The following SNTB2 variants were observed in gnomAD, a reference collection of about 807,000 sequenced individuals.
SNTB2 encodes the protein beta-2-syntrophin.
SNTB2 carries 34 observed loss-of-function variants against 46.2 expected under a neutral mutation model. The ratio of observed to expected loss-of-function variants is 0.74; its 90% CI spans 0.56 to 0.98. The LOEUF (loss-of-function observed/expected upper bound fraction) is 0.98, where lower values mean the gene tolerates loss of function less well. SNTB2 is among the 50% of genes least tolerant of loss of function. The pLI, the probability that SNTB2 is intolerant of heterozygous loss-of-function variation, is 0.00. For missense variants in SNTB2, 603 were observed against 731.4 expected, an observed-to-expected ratio of 0.82 and a Z score of 2.02; for synonymous variants, 290 against 312.6, an observed-to-expected ratio of 0.93 and a Z score of 0.76.
chr16:69,211,112 T>TA (rs1003846666), intron 1 of SNTB2, among the ~76,000 whole-genome samples: 6 of 151,996 alleles, frequency 3.9e-5, no homozygotes, highest in South Asian at 2.1e-4. Flanking sequence ...TTCTGTTAAT[T>TA]AAAAAAATTA....
chr16:69,217,245 G>A (rs1022063400), intron 1 of SNTB2, among the ~76,000 whole-genome samples: 10 of 152,102 alleles, frequency 6.6e-5, no homozygotes, highest in Non-Finnish European at 1.2e-4. Context: ...AGGCCGAGGT[G>A]GGCAGATTAC....
At chr16:69,248,098 G>A (rs189743192) in intron 2 of SNTB2, among the ~76,000 whole-genome samples, 442 of 152,322 alleles carry the variant, frequency 2.9e-3, no homozygotes, top group Non-Finnish European at 5.2e-3. Context: ...ACTGTAGCCT[G>A]GGTGACAGAA....
chr16:69,190,697 C>G (rs1277658183), intron 1 of SNTB2, among the ~76,000 whole-genome samples: 1 of 152,106 alleles, frequency 6.6e-6, no homozygotes, highest in Non-Finnish European at 1.5e-5. Flanking sequence ...CACAGAAGTG[C>G]AAGACATTAA....
At chr16:69,204,079 G>C (rs531198462) in intron 1 of SNTB2, among the ~76,000 whole-genome samples, 46 of 152,180 alleles carry the variant, frequency 3.0e-4, no homozygotes, top group Non-Finnish European at 5.7e-4. Flanking sequence ...TTTTAGTGGA[G>C]CCGGAGTTTC....
intron 1 of SNTB2, chr16:69,240,909 G>A (rs1474653724): frequency 6.6e-6 from 1 of 152,342 alleles, no homozygotes; most frequent in African/African-American, 2.4e-5. Context: ...TGTCCAGGCT[G>A]GAGTGCAATA....
At chr16:69,217,818 A>G (rs929044861) in intron 1 of SNTB2, among the ~76,000 whole-genome samples, 2 of 152,212 alleles carry the variant, frequency 1.3e-5, no homozygotes, top group African/African-American at 4.8e-5. Context: ...AAATATCTTT[A>G]TAAATAAGCA....
intron 4 of SNTB2, among the ~76,000 whole-genome samples, chr16:69,276,521 C>G (rs1964986819): frequency 6.6e-6 from 1 of 152,192 alleles, no homozygotes; most frequent in African/African-American, 2.4e-5. Context: ...ATTGCTTTCA[C>G]CAACACTTTG....
chr16:69,196,140 G>A (rs567990567), intron 1 of SNTB2, among the ~76,000 whole-genome samples: 1 of 152,198 alleles, frequency 6.6e-6, no homozygotes, highest in East Asian at 1.9e-4. Flanking sequence ...TTGGGAGGCT[G>A]AGGTGGGAGG....
At chr16:69,188,687 C>T (rs1391543991) in intron 1 of SNTB2, among the ~76,000 whole-genome samples, 1 of 152,142 alleles carries the variant, frequency 6.6e-6, no homozygotes, top group Non-Finnish European at 1.5e-5. Flanking sequence ...CTTTCTTTCA[C>T]TGGTGATTAT....
At chr16:69,190,737 G>A (rs546680142) in intron 1 of SNTB2, among the ~76,000 whole-genome samples, 17 of 152,308 alleles carry the variant, frequency 1.1e-4, no homozygotes, top group African/African-American at 3.8e-4. Flanking sequence ...GGGTAGAGTA[G>A]AAGCAAGGAC....
chr16:69,190,330 A>G (rs749643881), intron 1 of SNTB2, among the ~76,000 whole-genome samples: 29 of 152,312 alleles, frequency 1.9e-4, no homozygotes, highest in Middle Eastern at 3.4e-3. Context: ...AGGGAAAGCT[A>G]TAGTCTTTGG....
intron 1 of SNTB2, among the ~76,000 whole-genome samples, chr16:69,191,557 CAAAAA>C (rs1204153764): frequency 1.4e-3 from 86 of 60,296 alleles, no homozygotes; most frequent in African/African-American, 5.3e-3. Flanking sequence ...GATCCTGTCT[CAAAAA>C]AAAAAAAAAA....
chr16:69,237,526 G>C (rs1385061250), intron 1 of SNTB2, among the ~76,000 whole-genome samples: 24 of 151,970 alleles, frequency 1.6e-4, no homozygotes, highest in Admixed American at 1.6e-3. Context: ...TCAGGTCAAG[G>C]GAGTGCTTTT....
intron 2 of SNTB2, among the ~76,000 whole-genome samples, chr16:69,249,847 C>T (rs1039279083): frequency 1.3e-5 from 2 of 151,994 alleles, no homozygotes; most frequent in Non-Finnish European, 2.9e-5. Flanking sequence ...ACCTGTAATC[C>T]CAGCACTTTG....
intron 1 of SNTB2, among the ~76,000 whole-genome samples, chr16:69,223,698 G>C (rs1298021025): frequency 6.6e-6 from 1 of 151,460 alleles, no homozygotes; most frequent in African/African-American, 2.4e-5. Flanking sequence ...GCCCAATCTC[G>C]GCTCACTGCA....
At chr16:69,290,965 C>A (rs1965154342) in intron 5 of SNTB2, among the ~76,000 whole-genome samples, 1 of 152,192 alleles carries the variant, frequency 6.6e-6, no homozygotes. Context: ...TTTGTTAATA[C>A]ATATTTACTG....
intron 1 of SNTB2, among the ~76,000 whole-genome samples, chr16:69,225,304 G>A (rs934699526): frequency 1.3e-5 from 2 of 152,194 alleles, no homozygotes; most frequent in Non-Finnish European, 2.9e-5. Flanking sequence ...TTGTATTTCC[G>A]TCTATAGTTT....
At chr16:69,239,690 G>A (rs182137281) in intron 1 of SNTB2, among the ~76,000 whole-genome samples, 120 of 152,138 alleles carry the variant, frequency 7.9e-4, no homozygotes, top group Admixed American at 1.5e-3. Context: ...GCTTACAGGC[G>A]TGCACCACTA....
intron 1 of SNTB2, among the ~76,000 whole-genome samples, chr16:69,200,247 G>A (rs1219242223): frequency 6.6e-6 from 1 of 152,182 alleles, no homozygotes; most frequent in African/African-American, 2.4e-5. Flanking sequence ...TTTGCTTACA[G>A]TGAGTTTAGG....
Sources: gnomAD v4.1 joint callset for allele counts (sites outside exome capture counted in the v4.1 genomes callset) on GRCh38, gnomAD v4.1.1 for gene constraint, MANE v1.5 for transcripts, NCBI Gene and HGNC (gene_info 2026-07-23, HGNC 2026-07-21) for gene names.